NTRK2: variants seen among roughly 807,000 people sequenced by gnomAD.
The protein encoded by NTRK2 is neurotrophic receptor tyrosine kinase 2.
NTRK2 carries 13 observed loss-of-function variants against 94.5 expected under a neutral mutation model. The observed-to-expected ratio is 0.14, with a 90% CI of 0.09 to 0.22. The LOEUF (loss-of-function observed/expected upper bound fraction) is 0.22, where lower values mean the gene tolerates loss of function less well. Ranked by LOEUF, NTRK2 falls within the 10% of genes least tolerant of loss-of-function variation. The probability of loss-of-function intolerance (pLI) is 1.00; values close to 1 mark genes in which losing one functional copy is unlikely to be tolerated. For synonymous variants in NTRK2, 372 were observed against 407.4 expected, an observed-to-expected ratio of 0.91 and a Z score of 1.05; for missense variants, 639 against 1,071.2, an observed-to-expected ratio of 0.60 and a Z score of 5.63.
intron 2 of NTRK2, among the ~76,000 whole-genome samples, chr9:84,681,172 C>G (rs1281124092): frequency 4.6e-5 from 7 of 152,250 alleles, no homozygotes; most frequent in African/African-American, 1.4e-4. Context: ...CAGTGAAGAC[C>G]TTTGGACTCA....
intron 12 of NTRK2, among the ~76,000 whole-genome samples, chr9:84,828,952 G>T (rs947423774): frequency 1.1e-4 from 16 of 144,330 alleles, no homozygotes; most frequent in African/African-American, 3.0e-4. Context: ...TGTTTGTTTT[G>T]TTTTTTTTTT....
chr9:84,870,124 TATAC>T (rs1197767340), intron 14 of NTRK2, among the ~76,000 whole-genome samples: 18 of 109,974 alleles, frequency 1.6e-4, no homozygotes, highest in East Asian at 7.7e-4. Flanking sequence ...TATATATATA[TATAC>T]ACACACACAC....
intron 9 of NTRK2, among the ~76,000 whole-genome samples, 176 bp downstream of exon 9, chr9:84,728,135 T>C (rs1405688219): frequency 1.3e-5 from 2 of 152,314 alleles, no homozygotes; most frequent in East Asian, 3.9e-4. Context: ...GTATTTATTG[T>C]GGAATTCAGG....
At chr9:84,930,229 C>G (rs1255122186) in intron 14 of NTRK2, among the ~76,000 whole-genome samples, 1 of 152,222 alleles carries the variant, frequency 6.6e-6, no homozygotes, top group Non-Finnish European at 1.5e-5. Flanking sequence ...CTTTGGATGT[C>G]TGGCCTCTTA....
intron 8 of NTRK2, among the ~76,000 whole-genome samples, chr9:84,725,465 C>A (rs945185959): frequency 1.3e-5 from 2 of 152,034 alleles, no homozygotes; most frequent in Non-Finnish European, 2.9e-5. Context: ...TTCATTTGAG[C>A]ATGGTGGAAG....
intron 17 of NTRK2, among the ~76,000 whole-genome samples, chr9:84,980,876 AG>A (rs372578597): frequency 4.4e-4 from 67 of 152,360 alleles, no homozygotes; most frequent in African/African-American, 1.6e-3. Flanking sequence ...AAGTCAGGGT[AG>A]GTGCAGACTT....
chr9:84,866,770 A>G (rs540941318), intron 13 of NTRK2, among the ~76,000 whole-genome samples: 71 of 152,238 alleles, frequency 4.7e-4, no homozygotes, highest in Non-Finnish European at 8.4e-4. Context: ...ATGAATGTTC[A>G]TAGTAGCATT....
intron 17 of NTRK2, among the ~76,000 whole-genome samples, chr9:85,000,123 G>C (rs1830172200): frequency 6.6e-6 from 1 of 152,108 alleles, no homozygotes; most frequent in Non-Finnish European, 1.5e-5. Flanking sequence ...TTATAGCAAA[G>C]TGGAACAGAA....
chr9:84,809,916 A>G (rs2071580854), intron 12 of NTRK2, among the ~76,000 whole-genome samples: 1 of 151,712 alleles, frequency 6.6e-6, no homozygotes, highest in Non-Finnish European at 1.5e-5. Context: ...AGAAGAGAGA[A>G]GAATCTAACT....
At chr9:84,676,911 TATCTTC>T (rs2059093249) in intron 2 of NTRK2, among the ~76,000 whole-genome samples, 1 of 152,178 alleles carries the variant, frequency 6.6e-6, no homozygotes, top group Admixed American at 6.5e-5. Context: ...GCAATCATCT[TATCTTC>T]ATATAGGAAG....
At chr9:84,781,972 G>T (rs1298135870) in intron 12 of NTRK2, among the ~76,000 whole-genome samples, 1 of 151,964 alleles carries the variant, frequency 6.6e-6, no homozygotes, top group African/African-American at 2.4e-5. Flanking sequence ...CTTGGAGGGT[G>T]TTCTAAAACT....
At chr9:84,774,151 G>A (rs1027451680) in intron 12 of NTRK2, among the ~76,000 whole-genome samples, 1 of 152,104 alleles carries the variant, frequency 6.6e-6, no homozygotes, top group African/African-American at 2.4e-5. Context: ...TATTGAGATG[G>A]CAAACATACC....
chr9:84,882,596 C>G (rs1209663022), intron 14 of NTRK2, among the ~76,000 whole-genome samples: 4 of 152,154 alleles, frequency 2.6e-5, no homozygotes, highest in African/African-American at 9.7e-5. Context: ...TCTATTTATC[C>G]TTAACCCCAT....
intron 12 of NTRK2, among the ~76,000 whole-genome samples, chr9:84,764,168 T>A (rs2065838652): frequency 6.6e-6 from 1 of 152,236 alleles, no homozygotes; most frequent in South Asian, 2.1e-4. Flanking sequence ...TTGGATCACC[T>A]TTTGAAGATA....
At chr9:85,016,808 T>A (rs1438408643) in intron 17 of NTRK2, among the ~76,000 whole-genome samples, 1 of 152,148 alleles carries the variant, frequency 6.6e-6, no homozygotes, top group African/African-American at 2.4e-5. Flanking sequence ...CACTCACCCA[T>A]TTGACATCTG....
At chr9:84,757,273 A>ATCACCTTC (rs1001469689) in intron 12 of NTRK2, among the ~76,000 whole-genome samples, 4 of 152,228 alleles carry the variant, frequency 2.6e-5, no homozygotes, top group Non-Finnish European at 4.4e-5. Flanking sequence ...GGATGTTCCC[A>ATCACCTTC]TCACCTTCTT....
intron 17 of NTRK2, among the ~76,000 whole-genome samples, chr9:84,994,074 C>T (rs970148355): frequency 1.3e-5 from 2 of 152,136 alleles, no homozygotes; most frequent in Non-Finnish European, 2.9e-5. Flanking sequence ...CATCCTTTAG[C>T]CACTAAAGGG....
intron 12 of NTRK2, among the ~76,000 whole-genome samples, chr9:84,797,570 A>G (rs62562382): frequency 1.7e-5 from 1 of 58,738 alleles, no homozygotes; most frequent in African/African-American, 9.4e-5. Flanking sequence ...ACTATATATT[A>G]TATATATTAT....
intron 14 of NTRK2, among the ~76,000 whole-genome samples, chr9:84,882,259 G>A (rs1458255194): frequency 3.9e-5 from 6 of 152,112 alleles, no homozygotes; most frequent in Admixed American, 3.9e-4. Context: ...AATGCAGCCA[G>A]TTTAACTGAT....
Sources: gnomAD v4.1 joint callset for allele counts (sites outside exome capture counted in the v4.1 genomes callset) on GRCh38, gnomAD v4.1.1 for gene constraint, MANE v1.5 for transcripts, NCBI Gene and HGNC (gene_info 2026-07-23, HGNC 2026-07-21) for gene names.